LRIF1: variants seen among roughly 807,000 people sequenced by gnomAD.
LRIF1 encodes the protein ligand dependent nuclear receptor interacting factor 1, also known as ligand-dependent nuclear receptor-interacting factor 1.
Under a neutral mutation model 52.7 loss-of-function variants are expected in LRIF1, and 32 were observed. The observed-to-expected ratio is 0.61, with a 90% confidence interval of 0.46 to 0.82. LRIF1 has a LOEUF of 0.82. LRIF1 is among the 40% of genes least tolerant of loss of function. The pLI is 0.00. For synonymous variants in LRIF1, 323 were observed against 317.4 expected (o/e 1.02, Z -0.19); for missense variants, 887 against 892.0 (o/e 0.99, Z 0.07).
At chr1:110,901,751 T>C in the LRIF1 span, among the ~76,000 whole-genome samples, 385 of 152,294 alleles carry the variant, frequency 2.5e-3, 1 homozygote, top group African/African-American at 8.9e-3. Context: ...GCTGGGATTA[T>C]AGGCGTGAGG....
the LRIF1 span, among the ~76,000 whole-genome samples, chr1:110,881,898 A>G: frequency 6.6e-6 from 1 of 152,150 alleles, no homozygotes; most frequent in African/African-American, 2.4e-5. Flanking sequence ...CTTATTTGCC[A>G]TCCATATAGT....
At chr1:110,938,808 C>T in the LRIF1 span, 1 of 152,070 alleles carries the variant, frequency 6.6e-6, no homozygotes, top group Non-Finnish European at 1.5e-5. Flanking sequence ...AGTCAAAAAG[C>T]TTAAAGACTC....
chr1:110,944,580 A>C (rs1658159126), downstream of LRIF1: 1 of 152,256 alleles, frequency 6.6e-6, no homozygotes, highest in Non-Finnish European at 1.5e-5. Flanking sequence ...GGGAGAAGGA[A>C]GGGATCAGCA....
intron 2 of LRIF1, among the ~76,000 whole-genome samples, chr1:110,950,909 A>T (rs888788033): frequency 6.6e-6 from 1 of 152,186 alleles, no homozygotes; most frequent in African/African-American, 2.4e-5. Context: ...TATACTAAAA[A>T]GGCTATTATA....
chr1:110,955,337 C>G (rs1570945361), intron 1 of LRIF1, among the ~76,000 whole-genome samples: 2 of 152,334 alleles, frequency 1.3e-5, no homozygotes, highest in Non-Finnish European at 1.5e-5. Flanking sequence ...CTACTCCAAG[C>G]AAACATCATC....
chr1:110,875,079 A>T, the LRIF1 span, among the ~76,000 whole-genome samples: 5 of 152,222 alleles, frequency 3.3e-5, no homozygotes, highest in African/African-American at 1.2e-4. Flanking sequence ...GAGTGTGCCA[A>T]AAACTGCCTA....
intron 1 of LRIF1, among the ~76,000 whole-genome samples, chr1:110,959,187 A>G (rs796183926): frequency 2.0e-4 from 30 of 152,312 alleles, no homozygotes; most frequent in African/African-American, 7.0e-4. Flanking sequence ...ACTACATTTG[A>G]AAAATAATAC....
downstream of LRIF1, chr1:110,943,794 C>G (rs573803866): frequency 6.6e-6 from 1 of 152,238 alleles, no homozygotes; most frequent in African/African-American, 2.4e-5. Flanking sequence ...TTAATCTGTC[C>G]CTTTTCTTAT....
chr1:110,908,795 G>A, the LRIF1 span, among the ~76,000 whole-genome samples: 1 of 152,174 alleles, frequency 6.6e-6, no homozygotes, highest in South Asian at 2.1e-4. Context: ...GAGAGAGCAA[G>A]TAACTTTGGA....
intron 1 of LRIF1, among the ~76,000 whole-genome samples, chr1:110,958,295 A>G (rs1204139336): frequency 6.6e-6 from 1 of 152,224 alleles, no homozygotes; most frequent in Non-Finnish European, 1.5e-5. Flanking sequence ...CTCCAACAAT[A>G]TAAAATTAGT....
chr1:110,909,868 A>T, the LRIF1 span, among the ~76,000 whole-genome samples: 1 of 152,180 alleles, frequency 6.6e-6, no homozygotes, highest in East Asian at 1.9e-4. Flanking sequence ...GGTGTGAGCC[A>T]CTGCGCCCAG....
chr1:110,878,444 T>C, the LRIF1 span, among the ~76,000 whole-genome samples: 5 of 152,228 alleles, frequency 3.3e-5, no homozygotes, highest in African/African-American at 9.6e-5. Context: ...GAAATGTATA[T>C]GGAGAAGTGT....
At chr1:110,901,904 A>G in the LRIF1 span, among the ~76,000 whole-genome samples, 1 of 152,160 alleles carries the variant, frequency 6.6e-6, no homozygotes, top group Non-Finnish European at 1.5e-5. Context: ...TGATAACATC[A>G]CCCACCTAGT....
Position 110,954,011 on chromosome 1 carries a change from T to C in LRIF1, c.69-1196A>G, listed in dbSNP as rs561963111. Among the ~76,000 whole-genome samples, 21 of 152,328 alleles carry C rather than the reference T, an allele frequency of 1.4e-4. No homozygotes were observed. The South Asian group carries it at 4.1e-3, about 30-fold the overall frequency. ...TACCAATATGAGTGCAGCATCCATA[T>C]ACCATAGACCTAGCATGGTCTTAGA... On this transcript the variant is annotated intron_variant, in intron 1 of 3. Transcript: ENST00000369763.
intron 1 of LRIF1, among the ~76,000 whole-genome samples, chr1:110,957,091 T>C (rs1208415690): frequency 6.6e-6 from 1 of 152,040 alleles, no homozygotes; most frequent in East Asian, 1.9e-4. Context: ...TTTTCTGCAT[T>C]CTAAGCATTC....
chr1:110,909,573 C>CTTTTT, the LRIF1 span, among the ~76,000 whole-genome samples: 27 of 78,014 alleles, frequency 3.5e-4, 1 homozygote, highest in Admixed American at 8.4e-4. Context: ...GCAGGGGTAG[C>CTTTTT]TTTTTTTTTT....
chr1:110,886,846 A>AAGATATATATAT, the LRIF1 span, among the ~76,000 whole-genome samples: 1,089 of 100,860 alleles, frequency 0.011, 14 homozygotes, highest in South Asian at 0.018. Flanking sequence ...CTCTGTCTCC[A>AAGATATATATAT]ATATATATAT....
chr1:110,897,328 T>C, the LRIF1 span, among the ~76,000 whole-genome samples: 5 of 152,248 alleles, frequency 3.3e-5, no homozygotes, highest in Non-Finnish European at 7.3e-5. Context: ...CTGAAGGGGT[T>C]TGGAAATCTC....
the LRIF1 span, chr1:110,894,876 C>T: frequency 2.3e-5 from 24 of 1,031,324 alleles, no homozygotes; most frequent in South Asian, 1.2e-4. Flanking sequence ...GCAAGTGGAA[C>T]CACTAACCTA....
Sources: gnomAD v4.1 joint callset for allele counts (sites outside exome capture counted in the v4.1 genomes callset) on GRCh38, gnomAD v4.1.1 for gene constraint, MANE v1.5 for transcripts, NCBI Gene and HGNC (gene_info 2026-07-23, HGNC 2026-07-21) for gene names.